Variants in NXPE2 observed in about 807,000 individuals in gnomAD.
NXPE2 encodes the protein NXPE family member 2.
In NXPE2, 34 loss-of-function variants were observed where a neutral mutation model predicts 34.4. That is an observed-to-expected ratio of 0.99 (90% CI 0.75 to 1.31). The LOEUF (loss-of-function observed/expected upper bound fraction) is 1.31. Ranked by LOEUF, NXPE2 falls within the 40% of genes most tolerant of loss-of-function variation. The probability of loss-of-function intolerance (pLI) is 0.00; values close to 1 mark genes in which losing one functional copy is unlikely to be tolerated. For synonymous variants in NXPE2, 235 were observed against 231.3 expected, an observed-to-expected ratio of 1.02 and a Z score of -0.15; for missense variants, 649 against 672.5, an observed-to-expected ratio of 0.97 and a Z score of 0.39.
At chr11:114,479,526 T>C in the NXPE2 span, among the ~76,000 whole-genome samples, 3 of 152,106 alleles carry the variant, frequency 2.0e-5, no homozygotes, top group African/African-American at 7.2e-5. Flanking sequence ...ACTTGAGTAA[T>C]GGGCTGGGTG....
the NXPE2 span, among the ~76,000 whole-genome samples, chr11:114,640,898 G>C: frequency 1.3e-5 from 2 of 151,890 alleles, no homozygotes; most frequent in Non-Finnish European, 2.9e-5. Context: ...CTCTCATTTT[G>C]TAGGTTTCCT....
chr11:114,488,091 T>A, the NXPE2 span, among the ~76,000 whole-genome samples: 2 of 152,186 alleles, frequency 1.3e-5, no homozygotes, highest in Non-Finnish European at 2.9e-5. Context: ...ATTCATTCTT[T>A]AAACACTTGG....
At chr11:114,789,580 A>T in the NXPE2 span, among the ~76,000 whole-genome samples, 7 of 152,202 alleles carry the variant, frequency 4.6e-5, no homozygotes, top group Admixed American at 4.6e-4. Context: ...GGAGATAAAA[A>T]ATAAACATCA....
chr11:114,509,402 C>A, the NXPE2 span, among the ~76,000 whole-genome samples: 1 of 152,114 alleles, frequency 6.6e-6, no homozygotes, highest in Non-Finnish European at 1.5e-5. Context: ...ACCAATCGAC[C>A]CAGCAGTGCC....
chr11:114,593,896 T>C, the NXPE2 span, among the ~76,000 whole-genome samples: 1 of 152,168 alleles, frequency 6.6e-6, no homozygotes, highest in Non-Finnish European at 1.5e-5. Flanking sequence ...CTGAAGGTCA[T>C]TATGTTAAGT....
the NXPE2 span, among the ~76,000 whole-genome samples, chr11:114,611,226 C>T: frequency 1.3e-5 from 2 of 151,718 alleles, no homozygotes; most frequent in Non-Finnish European, 2.9e-5. Flanking sequence ...TGGGTAACCA[C>T]TGTTATCCAG....
chr11:114,644,363 C>A, the NXPE2 span, among the ~76,000 whole-genome samples: 4 of 152,108 alleles, frequency 2.6e-5, no homozygotes, highest in African/African-American at 9.7e-5. Flanking sequence ...CCAGCTTTTG[C>A]CCATTCAGTA....
the NXPE2 span, among the ~76,000 whole-genome samples, chr11:114,780,433 G>A: frequency 2.0e-5 from 3 of 152,240 alleles, no homozygotes; most frequent in African/African-American, 7.2e-5. Context: ...AGAGGCACAG[G>A]AAGGGGAGGA....
At chr11:114,521,943 A>G in the NXPE2 span, 2 of 1,523,768 alleles carry the variant, frequency 1.3e-6, no homozygotes, top group East Asian at 2.3e-5. Flanking sequence ...ATTGGTTCCT[A>G]GTGATTTTGT....
chr11:114,554,407 C>T, the NXPE2 span: 3 of 984,694 alleles, frequency 3.0e-6, no homozygotes, highest in Non-Finnish European at 3.6e-6. Context: ...TATTCCAGAA[C>T]AGGGGGTTCT....
At chr11:114,473,003 A>G in the NXPE2 span, among the ~76,000 whole-genome samples, 2 of 152,212 alleles carry the variant, frequency 1.3e-5, no homozygotes, top group Non-Finnish European at 2.9e-5. Flanking sequence ...AGTGTTGAAC[A>G]TCTGGAAAAG....
chr11:114,717,981 G>A, the NXPE2 span, among the ~76,000 whole-genome samples: 54 of 152,250 alleles, frequency 3.5e-4, 1 homozygote, highest in Admixed American at 2.6e-3. Flanking sequence ...GAGAATGTCC[G>A]TTTGATTCCA....
the NXPE2 span, among the ~76,000 whole-genome samples, chr11:114,602,297 C>A: frequency 8.7e-6 from 1 of 115,576 alleles, no homozygotes; most frequent in African/African-American, 3.4e-5. Context: ...TTATCTATAA[C>A]ATATACTATA....
At chr11:114,651,483 T>C in the NXPE2 span, among the ~76,000 whole-genome samples, 1 of 152,302 alleles carries the variant, frequency 6.6e-6, no homozygotes, top group Admixed American at 6.5e-5. Context: ...GCAGCAAGAT[T>C]TATTGCAAAG....
At chr11:114,735,142 C>A in the NXPE2 span, among the ~76,000 whole-genome samples, 2 of 152,014 alleles carry the variant, frequency 1.3e-5, no homozygotes, top group South Asian at 4.1e-4. Flanking sequence ...AACCATTACA[C>A]ATCTCTTATT....
downstream of NXPE2, among the ~76,000 whole-genome samples, chr11:114,708,255 A>C (rs2135578101): frequency 6.6e-6 from 1 of 152,260 alleles, no homozygotes; most frequent in South Asian, 2.1e-4. Flanking sequence ...CACACTTCAA[A>C]ACCCACAGGC....
chr11:114,706,849 T>A lies in NXPE2; in HGVS notation c.1599T>A (p.Ile533=), dbSNP rs1951486934. 1.1e-5 allele frequency: 17 copies of A among 1,552,130 alleles called. No homozygotes were observed. Among genetic ancestry groups the A allele is most frequent in the Non-Finnish European group, 1.4e-5 (16 of 1,146,970 alleles). ...TTATTGATGCCTGGGACATGACGAT[T>A]GCATATTGCACCAACAATGCCCATC... ...VGIIDAWDMT[I]AYCTNNAHPP... is the part of the protein sequence containing the mutation. Residue 533 remains isoleucine (I), a synonymous_variant, in exon 6 of 6, where the codon ATT becomes ATA. Transcript: ENST00000389586.
the NXPE2 span, among the ~76,000 whole-genome samples, chr11:114,563,501 C>A: frequency 6.6e-6 from 1 of 152,220 alleles, no homozygotes; most frequent in African/African-American, 2.4e-5. Flanking sequence ...AGCTTCTGCA[C>A]AGCAAAGGAA....
chr11:114,597,335 A>G, the NXPE2 span, among the ~76,000 whole-genome samples: 1 of 152,212 alleles, frequency 6.6e-6, no homozygotes. Context: ...GTGATCTGAA[A>G]TCTGAATGAT....
Sources: allele counts gnomAD v4.1 joint callset (sites outside exome capture counted in the v4.1 genomes callset), GRCh38; gene constraint gnomAD v4.1.1; transcripts MANE v1.5; gene names NCBI Gene and HGNC (gene_info 2026-07-23, HGNC 2026-07-21).